The following NKAIN3 variants were observed in gnomAD, a reference collection of about 807,000 sequenced individuals.
The protein encoded by NKAIN3 is sodium/potassium transporting ATPase interacting 3.
A neutral mutation model predicts 30.2 loss-of-function variants in NKAIN3; 25 were observed. The observed-to-expected ratio is 0.83, with a 90% CI of 0.60 to 1.16. The LOEUF (loss-of-function observed/expected upper bound fraction) is 1.16, where lower values mean the gene tolerates loss of function less well. Ranked by LOEUF, NKAIN3 falls within the 50% of genes most tolerant of loss-of-function variation. The pLI is 0.00. For synonymous variants in NKAIN3, 91 were observed against 89.6 expected, an observed-to-expected ratio of 1.02 and a Z score of -0.09; for missense variants, 225 against 254.1, an observed-to-expected ratio of 0.89 and a Z score of 0.78.
At chr8:62,505,331 T>C (rs1293073747) in intron 1 of NKAIN3, among the ~76,000 whole-genome samples, 1 of 152,116 alleles carries the variant, frequency 6.6e-6, no homozygotes, top group Non-Finnish European at 1.5e-5. Flanking sequence ...AGAAAAAAAT[T>C]ATGGGAAAAT....
intron 4 of NKAIN3, among the ~76,000 whole-genome samples, chr8:62,912,102 C>T (rs567671732): frequency 6.6e-6 from 1 of 152,226 alleles, no homozygotes; most frequent in Non-Finnish European, 1.5e-5. Context: ...GGCTACAAAC[C>T]TCTATAGCAC....
At chr8:62,670,578 T>C (rs192381577) in intron 3 of NKAIN3, among the ~76,000 whole-genome samples, 1 of 151,470 alleles carries the variant, frequency 6.6e-6, no homozygotes, top group African/African-American at 2.4e-5. Flanking sequence ...GGTTAGAGAG[T>C]AGTCTCTTCC....
chr8:62,930,256 T>C (rs1158572403), intron 5 of NKAIN3, among the ~76,000 whole-genome samples: 5 of 146,384 alleles, frequency 3.4e-5, no homozygotes, highest in African/African-American at 1.1e-4. Context: ...ACCTCCATTC[T>C]ACCTTTTTTT....
At chr8:62,358,485 T>C (rs1189338383) in intron 1 of NKAIN3, among the ~76,000 whole-genome samples, 1 of 152,264 alleles carries the variant, frequency 6.6e-6, no homozygotes, top group Middle Eastern at 3.4e-3. Context: ...ATAAATGAGT[T>C]CCCATTTGCA....
At chr8:62,319,896 T>A (rs1254431913) in intron 1 of NKAIN3, among the ~76,000 whole-genome samples, 1 of 152,168 alleles carries the variant, frequency 6.6e-6, no homozygotes, top group Non-Finnish European at 1.5e-5. Context: ...TTGTTAACTT[T>A]CTGTCTCGTT....
chr8:62,701,137 T>C (rs1474614871), intron 3 of NKAIN3, among the ~76,000 whole-genome samples: 2 of 152,238 alleles, frequency 1.3e-5, no homozygotes, highest in African/African-American at 4.8e-5. Context: ...ATCACTGTGC[T>C]AGAACCACTT....
At chr8:62,867,310 T>C (rs1189424925) in intron 4 of NKAIN3, among the ~76,000 whole-genome samples, 2 of 152,172 alleles carry the variant, frequency 1.3e-5, no homozygotes, top group Non-Finnish European at 2.9e-5. Context: ...CTTTACGAAT[T>C]GAAAAATGGT....
intron 1 of NKAIN3, among the ~76,000 whole-genome samples, chr8:62,302,503 T>C (rs1474507194): frequency 2.6e-5 from 4 of 152,094 alleles, no homozygotes; most frequent in African/African-American, 9.7e-5. Context: ...TAAACATTAA[T>C]TTAAAATATC....
intron 4 of NKAIN3, among the ~76,000 whole-genome samples, chr8:62,770,356 C>T (rs1031086317): frequency 3.9e-5 from 6 of 152,194 alleles, no homozygotes; most frequent in Admixed American, 1.3e-4. Context: ...TTAGTCAGTT[C>T]AGGCTGCTAT....
At chr8:62,788,548 G>A (rs566121937) in intron 4 of NKAIN3, among the ~76,000 whole-genome samples, 15 of 152,100 alleles carry the variant, frequency 9.9e-5, no homozygotes, top group East Asian at 3.9e-4. Context: ...ATTAGATTCC[G>A]TTTGTCAATT....
At chr8:62,740,566 CA>C (rs1252179633) in intron 3 of NKAIN3, among the ~76,000 whole-genome samples, 1 of 151,432 alleles carries the variant, frequency 6.6e-6, no homozygotes, top group Non-Finnish European at 1.5e-5. Flanking sequence ...ATTAAAAGAG[CA>C]AAGAATAATA....
intron 3 of NKAIN3, among the ~76,000 whole-genome samples, chr8:62,664,950 A>G (rs975607705): frequency 3.9e-5 from 6 of 152,160 alleles, no homozygotes; most frequent in African/African-American, 1.4e-4. Flanking sequence ...CAAAACCTCT[A>G]TTTCCAACCT....
chr8:62,510,684 A>T (rs949397338), intron 1 of NKAIN3, among the ~76,000 whole-genome samples: 1 of 152,130 alleles, frequency 6.6e-6, no homozygotes, highest in Non-Finnish European at 1.5e-5. Flanking sequence ...ATTGAGGAGG[A>T]GGTGGAAGAG....
intron 1 of NKAIN3, among the ~76,000 whole-genome samples, chr8:62,510,024 T>A (rs997313987): frequency 7.9e-5 from 12 of 151,996 alleles, no homozygotes; most frequent in South Asian, 4.2e-4. Flanking sequence ...AAGTGAGGAG[T>A]AATTCCTTAG....
chr8:62,434,806 C>T (rs1296869728), intron 1 of NKAIN3, among the ~76,000 whole-genome samples: 2 of 152,166 alleles, frequency 1.3e-5, no homozygotes, highest in African/African-American at 4.8e-5. Flanking sequence ...CTATAGACCT[C>T]TCCTGAAAAT....
intron 3 of NKAIN3, among the ~76,000 whole-genome samples, chr8:62,669,919 A>G (rs189006063): frequency 1.6e-4 from 24 of 152,140 alleles, no homozygotes; most frequent in African/African-American, 5.8e-4. Flanking sequence ...AAAATGATAT[A>G]TTTTCCTTTC....
At chr8:62,282,430 C>T (rs1343490372) in intron 1 of NKAIN3, among the ~76,000 whole-genome samples, 1 of 152,124 alleles carries the variant, frequency 6.6e-6, no homozygotes, top group East Asian at 1.9e-4. Flanking sequence ...GAAGTAACCT[C>T]ACTTTATTAG....
intron 1 of NKAIN3, among the ~76,000 whole-genome samples, chr8:62,347,142 G>A (rs1254589362): frequency 6.6e-6 from 1 of 152,116 alleles, no homozygotes; most frequent in Non-Finnish European, 1.5e-5. Flanking sequence ...TAATGTGAAG[G>A]CATCTACTGT....
chr8:62,249,241 G>A, intron 1 of NKAIN3, 114 bp downstream of exon 1: 4 of 880,672 alleles, frequency 4.5e-6, no homozygotes, highest in East Asian at 3.2e-5. Context: ...TGAACAGGGC[G>A]CTCCGCCCGC....
Sources: gnomAD v4.1 joint callset for allele counts (sites outside exome capture counted in the v4.1 genomes callset) on GRCh38, gnomAD v4.1.1 for gene constraint, MANE v1.5 for transcripts, NCBI Gene and HGNC (gene_info 2026-07-23, HGNC 2026-07-21) for gene names.